TRHDE: variants seen among roughly 807,000 people sequenced by gnomAD.
The protein encoded by TRHDE is thyrotropin releasing hormone degrading enzyme.
TRHDE carries 72 observed loss-of-function variants against 125.7 expected under a neutral mutation model. The ratio of observed to expected loss-of-function variants is 0.57; its 90% CI spans 0.47 to 0.70. The LOEUF is 0.70. Ranked by LOEUF, TRHDE falls within the 30% of genes least tolerant of loss-of-function variation. The pLI, the probability that TRHDE is intolerant of heterozygous loss-of-function variation, is 0.00. For missense variants in TRHDE, 1,110 were observed against 1,327.1 expected (o/e 0.84, Z 2.54); for synonymous variants, 509 against 509.1 (o/e 1.00, Z 0.00).
chr12:72,282,222 T>C (rs546049194), intron 1 of TRHDE, among the ~76,000 whole-genome samples: 1 of 152,332 alleles, frequency 6.6e-6, no homozygotes, highest in East Asian at 1.9e-4. Flanking sequence ...TTTGTTTTAC[T>C]TTTTGCTATA....
At chr12:72,578,501 T>C (rs916485706) in intron 12 of TRHDE, among the ~76,000 whole-genome samples, 2 of 152,188 alleles carry the variant, frequency 1.3e-5, no homozygotes, top group African/African-American at 4.8e-5. Context: ...AGGACTTATC[T>C]GTCCTTCCCA....
chr12:72,445,837 C>T (rs917343763), intron 3 of TRHDE, among the ~76,000 whole-genome samples: 6 of 151,958 alleles, frequency 3.9e-5, no homozygotes, highest in African/African-American at 1.4e-4. Flanking sequence ...ATCCAGATTA[C>T]TAGCTTGCTT....
At chr12:72,541,798 C>T (rs1304069062) in intron 6 of TRHDE, among the ~76,000 whole-genome samples, 1 of 151,318 alleles carries the variant, frequency 6.6e-6, no homozygotes, top group Non-Finnish European at 1.5e-5. Context: ...AAGATTTGAA[C>T]CCAGACAGTC....
chr12:72,519,486 C>T (rs958279595), intron 6 of TRHDE, among the ~76,000 whole-genome samples: 1 of 152,286 alleles, frequency 6.6e-6, no homozygotes, highest in African/African-American at 2.4e-5. Context: ...CCTTGGTTTT[C>T]AGCTCCATCA....
chr12:72,656,032 A>T, intron 17 of TRHDE, among the ~76,000 whole-genome samples: 1 of 152,154 alleles, frequency 6.6e-6, no homozygotes, highest in East Asian at 1.9e-4. Flanking sequence ...AAAACCTATT[A>T]TAACAGTGTG....
chr12:72,580,447 T>G (rs1278837622), intron 12 of TRHDE, among the ~76,000 whole-genome samples: 1 of 152,180 alleles, frequency 6.6e-6, no homozygotes, highest in Non-Finnish European at 1.5e-5. Context: ...TTGTATTTGT[T>G]TTTTGTTTTT....
At chr12:72,337,661 C>T (rs565761331) in intron 2 of TRHDE, among the ~76,000 whole-genome samples, 10 of 151,906 alleles carry the variant, frequency 6.6e-5, no homozygotes, top group Non-Finnish European at 1.2e-4. Flanking sequence ...TTCCCCTTTG[C>T]GTGCTCTGTG....
intron 7 of TRHDE, among the ~76,000 whole-genome samples, chr12:72,547,241 C>A (rs193030420): frequency 3.2e-4 from 49 of 151,280 alleles, no homozygotes; most frequent in Non-Finnish European, 5.9e-5. Context: ...TATGATACTT[C>A]TCTAGCTAGA....
chr12:72,440,400 A>G (rs758439807), intron 3 of TRHDE, among the ~76,000 whole-genome samples: 20 of 151,866 alleles, frequency 1.3e-4, no homozygotes, highest in Non-Finnish European at 2.4e-4. Flanking sequence ...TACTTATTCA[A>G]TCTCAATTTT....
intron 2 of TRHDE, among the ~76,000 whole-genome samples, chr12:72,165,455 G>A (rs963263823): frequency 6.6e-5 from 10 of 152,006 alleles, no homozygotes; most frequent in African/African-American, 1.9e-4. Context: ...CTGCCACTAC[G>A]GTCTACTTGT....
intron 2 of TRHDE, among the ~76,000 whole-genome samples, chr12:72,298,390 G>A (rs1406217914): frequency 6.6e-6 from 1 of 152,104 alleles, no homozygotes; most frequent in Non-Finnish European, 1.5e-5. Context: ...TCTTAGATAA[G>A]GTCCTGGCAT....
chr12:72,448,392 A>G (rs996704487), intron 3 of TRHDE, among the ~76,000 whole-genome samples: 2 of 152,134 alleles, frequency 1.3e-5, no homozygotes, highest in African/African-American at 4.8e-5. Context: ...CTATAAATTC[A>G]TGATAAAACA....
chr12:72,489,580 C>A (rs890876726), intron 5 of TRHDE, among the ~76,000 whole-genome samples: 2 of 151,722 alleles, frequency 1.3e-5, no homozygotes, highest in African/African-American at 4.8e-5. Flanking sequence ...CATCACACTT[C>A]CTGATTTAAA....
chr12:72,372,647 A>G (rs1871661300), intron 2 of TRHDE, among the ~76,000 whole-genome samples: 1 of 152,164 alleles, frequency 6.6e-6, no homozygotes, highest in Non-Finnish European at 1.5e-5. Context: ...TAAATAGGGA[A>G]TCCTTTCCCC....
intron 1 of TRHDE, among the ~76,000 whole-genome samples, chr12:72,092,494 C>G (rs115125325): frequency 0.016 from 2,478 of 152,326 alleles, 35 homozygotes; most frequent in Middle Eastern, 0.037. Context: ...TCTCTGGGAC[C>G]TGCTTCCTAT....
At chr12:72,470,769 A>G (rs1876603453) in intron 4 of TRHDE, among the ~76,000 whole-genome samples, 1 of 151,596 alleles carries the variant, frequency 6.6e-6, no homozygotes, top group African/African-American at 2.4e-5. Context: ...AAATGCCGTC[A>G]GTGAAAGAAG....
chr12:72,127,148 C>T (rs868343205), intron 2 of TRHDE, among the ~76,000 whole-genome samples: 1 of 152,102 alleles, frequency 6.6e-6, no homozygotes, highest in African/African-American at 2.4e-5. Context: ...CAATGAGATA[C>T]TTACACCAGT....
At chr12:72,180,687 T>A (rs1328269988) in intron 2 of TRHDE, among the ~76,000 whole-genome samples, 1 of 152,144 alleles carries the variant, frequency 6.6e-6, no homozygotes, top group Non-Finnish European at 1.5e-5. Flanking sequence ...GGAGATTGAG[T>A]TCTAGCCAAT....
At chr12:72,594,682 T>A (rs1044617747) in intron 12 of TRHDE, among the ~76,000 whole-genome samples, 4 of 152,100 alleles carry the variant, frequency 2.6e-5, no homozygotes, top group African/African-American at 9.7e-5. Context: ...TTCAAACTTT[T>A]ACTTATGAAC....
Sources: allele counts gnomAD v4.1 joint callset (sites outside exome capture counted in the v4.1 genomes callset), GRCh38; gene constraint gnomAD v4.1.1; transcripts MANE v1.5; gene names NCBI Gene and HGNC (gene_info 2026-07-23, HGNC 2026-07-21).